The following CNTNAP3B variants were observed in gnomAD, a reference collection of about 807,000 sequenced individuals.
The protein encoded by CNTNAP3B is contactin associated protein family member 3B.
In CNTNAP3B, 25 loss-of-function variants were observed where a neutral mutation model predicts 108.9. The ratio of observed to expected loss-of-function variants is 0.23; its 90% CI spans 0.17 to 0.32. CNTNAP3B has a LOEUF of 0.32. Ranked by LOEUF, CNTNAP3B falls within the 10% of genes least tolerant of loss-of-function variation. The pLI, the probability that CNTNAP3B is intolerant of heterozygous loss-of-function variation, is 1.00. For missense variants in CNTNAP3B, 252 were observed against 1,210.4 expected (o/e 0.21, Z 11.75); for synonymous variants, 103 against 473.4 (o/e 0.22, Z 10.16).
At chr9:41,951,947 C>A (rs1587137414) in intron 13 of CNTNAP3B, among the ~76,000 whole-genome samples, 1 of 152,246 alleles carries the variant, frequency 6.6e-6, no homozygotes, top group Non-Finnish European at 1.5e-5. Flanking sequence ...CGTGGCGGCA[C>A]CCGCCTGTAT....
At chr9:41,969,616 G>A (rs1181603821) in intron 10 of CNTNAP3B, among the ~76,000 whole-genome samples, 1 of 152,110 alleles carries the variant, frequency 6.6e-6, no homozygotes, top group Non-Finnish European at 1.5e-5. Flanking sequence ...CATTAGAGAT[G>A]CAGTTTTTGT....
intron 2 of CNTNAP3B, among the ~76,000 whole-genome samples, chr9:42,085,134 G>C (rs1467640018): frequency 6.8e-6 from 1 of 147,678 alleles, no homozygotes. Flanking sequence ...GAATTTAAAT[G>C]TTATTTAAGA....
chr9:42,016,727 G>A (rs1481280885), intron 3 of CNTNAP3B, among the ~76,000 whole-genome samples: 2 of 151,904 alleles, frequency 1.3e-5, no homozygotes, highest in East Asian at 1.9e-4. Context: ...GTTTTTGGAA[G>A]CCATAGTCCT....
chr9:42,080,591 A>G (rs185515236), intron 2 of CNTNAP3B, among the ~76,000 whole-genome samples: 1 of 133,348 alleles, frequency 7.5e-6, no homozygotes, highest in Non-Finnish European at 1.6e-5. Flanking sequence ...GAGAAAGGAG[A>G]TTGGCTGACT....
intron 13 of CNTNAP3B, among the ~76,000 whole-genome samples, chr9:41,951,229 A>G (rs1315886389): frequency 1.4e-5 from 2 of 146,924 alleles, no homozygotes; most frequent in African/African-American, 5.1e-5. Flanking sequence ...GTAAATCTAC[A>G]ATTATCTCAA....
chr9:41,933,830 C>T (rs1191957766), intron 14 of CNTNAP3B, among the ~76,000 whole-genome samples: 7,618 of 148,190 alleles, frequency 0.051, 10 homozygotes, highest in East Asian at 0.13. Flanking sequence ...TTATTGATTA[C>T]AGTTAAGAAT....
At chr9:42,013,270 C>G in intron 4 of CNTNAP3B, 108 bp downstream of exon 4, 1 of 410,170 alleles carries the variant, frequency 2.4e-6, no homozygotes, top group East Asian at 4.6e-5. Flanking sequence ...TATAAAAAGA[C>G]AGAAAAAGTC....
At chr9:42,080,576 A>G (rs1827592473) in intron 2 of CNTNAP3B, among the ~76,000 whole-genome samples, 1 of 134,834 alleles carries the variant, frequency 7.4e-6, no homozygotes, top group Non-Finnish European at 1.6e-5. Flanking sequence ...TATGGGTAAC[A>G]GAAAGAGAAA....
chr9:42,090,983 C>A (rs201725618), intron 2 of CNTNAP3B, among the ~76,000 whole-genome samples: 551 of 48,632 alleles, frequency 0.011, 169 homozygotes, highest in South Asian at 0.09. Flanking sequence ...TACACACACA[C>A]ACACACACAC....
chr9:41,958,041 C>T (rs1175328662), intron 12 of CNTNAP3B, among the ~76,000 whole-genome samples: 1 of 152,292 alleles, frequency 6.6e-6, no homozygotes, highest in East Asian at 1.9e-4. Context: ...GGATTACAGG[C>T]GTGAGCCACC....
intron 3 of CNTNAP3B, among the ~76,000 whole-genome samples, chr9:42,072,970 G>A (rs1827406336): frequency 7.2e-6 from 1 of 139,620 alleles, no homozygotes; most frequent in Admixed American, 7.1e-5. Context: ...ATTAAGCAGA[G>A]TAACTAAAAA....
At chr9:41,931,682 G>C (rs532912250) in intron 14 of CNTNAP3B, among the ~76,000 whole-genome samples, 312 of 150,668 alleles carry the variant, frequency 2.1e-3, no homozygotes, top group Non-Finnish European at 3.7e-3. Flanking sequence ...TTCAGCTTTA[G>C]AGTGGACTGA....
At chr9:41,941,152 G>T (rs1393234751) in intron 13 of CNTNAP3B, among the ~76,000 whole-genome samples, 14 of 151,142 alleles carry the variant, frequency 9.3e-5, no homozygotes, top group African/African-American at 3.4e-4. Flanking sequence ...AGATATTTAA[G>T]TTGACTGTGG....
At chr9:41,973,735 C>T (rs1408313350) in intron 9 of CNTNAP3B, among the ~76,000 whole-genome samples, 5 of 139,742 alleles carry the variant, frequency 3.6e-5, no homozygotes, top group South Asian at 4.6e-4. Context: ...GTACAGAGTG[C>T]TGCTTGAAAA....
chr9:41,931,377 C>T (rs1189703241), intron 14 of CNTNAP3B, among the ~76,000 whole-genome samples: 4 of 152,190 alleles, frequency 2.6e-5, no homozygotes, highest in Non-Finnish European at 2.9e-5. Flanking sequence ...TTACTGTTAA[C>T]TATAATTTCT....
At chr9:42,079,274 G>A (rs1002587441) in intron 2 of CNTNAP3B, among the ~76,000 whole-genome samples, 4 of 130,646 alleles carry the variant, frequency 3.1e-5, no homozygotes, top group African/African-American at 1.2e-4. Context: ...CCTACTCCTG[G>A]TCAGGCAAGG....
intron 3 of CNTNAP3B, among the ~76,000 whole-genome samples, chr9:42,042,791 T>C (rs1169403275): frequency 3.5e-3 from 445 of 127,284 alleles, no homozygotes; most frequent in Non-Finnish European, 5.6e-3. Context: ...TTGCTCACCA[T>C]TGAGTAACTT....
chr9:42,097,027 C>A (rs1287492915), intron 2 of CNTNAP3B, among the ~76,000 whole-genome samples: 1 of 137,490 alleles, frequency 7.3e-6, no homozygotes, highest in Non-Finnish European at 1.5e-5. Flanking sequence ...GCTGGGATTA[C>A]AGGCGTGAAC....
intron 9 of CNTNAP3B, among the ~76,000 whole-genome samples, chr9:41,973,609 G>A (rs1825469651): frequency 7.7e-6 from 1 of 129,404 alleles, no homozygotes; most frequent in Non-Finnish European, 1.6e-5. Context: ...AGGAGGCATG[G>A]CATTGAATAG....
Sources: allele counts gnomAD v4.1 joint callset (sites outside exome capture counted in the v4.1 genomes callset), GRCh38; gene constraint gnomAD v4.1.1; transcripts MANE v1.5; gene names NCBI Gene and HGNC (gene_info 2026-07-23, HGNC 2026-07-21).